FERRY3: variants seen among roughly 807,000 people sequenced by gnomAD.
The protein encoded by FERRY3 is protein C12orf4.
At chr12:4,517,206 AT>A in the FERRY3 span, 3 of 1,518,218 alleles carry the variant, frequency 2.0e-6, no homozygotes, top group African/African-American at 4.2e-5. Context: ...GACCCAAAAC[AT>A]TTACAAACTT....
At chr12:4,528,888 A>T in the FERRY3 span, among the ~76,000 whole-genome samples, 1 of 138,828 alleles carries the variant, frequency 7.2e-6, no homozygotes, top group Non-Finnish European at 1.5e-5. Context: ...TGGGACTATT[A>T]AATCAGTTAC....
At chr12:4,526,771 G>T in the FERRY3 span, among the ~76,000 whole-genome samples, 1 of 151,404 alleles carries the variant, frequency 6.6e-6, no homozygotes, top group Non-Finnish European at 1.5e-5. Context: ...GAACCCAGGA[G>T]ACTGAGGTTG....
chr12:4,520,708 A>C, the FERRY3 span, among the ~76,000 whole-genome samples: 1 of 152,206 alleles, frequency 6.6e-6, no homozygotes, highest in Admixed American at 6.5e-5. Flanking sequence ...AAATCTTAGA[A>C]TCACCACTCA....
At chr12:4,490,558 T>G in the FERRY3 span, 3 of 1,610,330 alleles carry the variant, frequency 1.9e-6, no homozygotes, top group Non-Finnish European at 2.5e-6. Context: ...TAGAAATTCC[T>G]CCATCCCATG....
chr12:4,524,751 G>C, the FERRY3 span, among the ~76,000 whole-genome samples: 1 of 152,102 alleles, frequency 6.6e-6, no homozygotes, highest in African/African-American at 2.4e-5. Context: ...AATTTATCTA[G>C]GCCAAGAGAT....
the FERRY3 span, among the ~76,000 whole-genome samples, chr12:4,513,835 C>A: frequency 1.3e-5 from 2 of 152,098 alleles, no homozygotes; most frequent in South Asian, 4.2e-4. Flanking sequence ...TAGGCATGGG[C>A]AAGGACTTCA....
chr12:4,536,230 A>C, the FERRY3 span: 68 of 1,438,226 alleles, frequency 4.7e-5, no homozygotes, highest in Non-Finnish European at 1.9e-6. Flanking sequence ...CTAACAAAAA[A>C]GCAGTAGGTT....
the FERRY3 span, among the ~76,000 whole-genome samples, chr12:4,523,540 CAA>C: frequency 6.6e-6 from 1 of 152,126 alleles, no homozygotes; most frequent in Non-Finnish European, 1.5e-5. Flanking sequence ...TTCACCATAG[CAA>C]AGACTTGGAA....
At chr12:4,508,608 G>A in the FERRY3 span, among the ~76,000 whole-genome samples, 7 of 151,974 alleles carry the variant, frequency 4.6e-5, no homozygotes, top group African/African-American at 1.7e-4. Context: ...AGCCAGGCAC[G>A]GTGGTACACA....
chr12:4,499,720 C>T, the FERRY3 span, among the ~76,000 whole-genome samples: 2 of 151,970 alleles, frequency 1.3e-5, no homozygotes, highest in African/African-American at 2.4e-5. Context: ...TCAGAAAATG[C>T]AGACTAATTT....
At chr12:4,535,991 T>C in the FERRY3 span, 1 of 1,495,740 alleles carries the variant, frequency 6.7e-7, no homozygotes, top group Non-Finnish European at 8.9e-7. The surrounding 1 kb of genome is among the most constrained non-coding windows in gnomAD (Gnocchi z 4.0). Context: ...AAAGTGGTGT[T>C]ACTTAAAAAA....
At chr12:4,492,516 T>C in the FERRY3 span, among the ~76,000 whole-genome samples, 1 of 152,238 alleles carries the variant, frequency 6.6e-6, no homozygotes, top group Non-Finnish European at 1.5e-5. Flanking sequence ...TGATTATTAA[T>C]TACCAAACCT....
At chr12:4,499,569 G>A in the FERRY3 span, among the ~76,000 whole-genome samples, 40 of 152,304 alleles carry the variant, frequency 2.6e-4, no homozygotes, top group South Asian at 3.5e-3. Flanking sequence ...ATTATAGTCC[G>A]TAACAAAATG....
At chr12:4,524,676 A>G in the FERRY3 span, among the ~76,000 whole-genome samples, 1 of 152,236 alleles carries the variant, frequency 6.6e-6, no homozygotes, top group Non-Finnish European at 1.5e-5. Flanking sequence ...ATTCTCAAAC[A>G]TAACAGATAC....
At chr12:4,536,061 C>T in the FERRY3 span, 6 of 1,607,064 alleles carry the variant, frequency 3.7e-6, no homozygotes, top group Non-Finnish European at 5.1e-6. Context: ...CATCAGACGT[C>T]CATGCAAATG....
At chr12:4,531,137 T>C in the FERRY3 span, among the ~76,000 whole-genome samples, 1 of 152,242 alleles carries the variant, frequency 6.6e-6, no homozygotes, top group Admixed American at 6.5e-5. Flanking sequence ...TAATTTGTTC[T>C]CTTTCACTTC....
chr12:4,523,513 C>T, the FERRY3 span, among the ~76,000 whole-genome samples: 105 of 152,298 alleles, frequency 6.9e-4, no homozygotes, highest in Non-Finnish European at 1.2e-3. Context: ...TGCACATGTA[C>T]GTTTATTGCG....
chr12:4,525,601 A>G, the FERRY3 span: 1 of 1,551,446 alleles, frequency 6.4e-7, no homozygotes, highest in Non-Finnish European at 8.8e-7. Flanking sequence ...ACAAATAAAC[A>G]AATCAGGGAT....
chr12:4,496,616 T>G, the FERRY3 span, among the ~76,000 whole-genome samples: 2 of 152,096 alleles, frequency 1.3e-5, no homozygotes, highest in African/African-American at 4.8e-5. Flanking sequence ...AAAATGAAAT[T>G]GAAATCTCAG....
Sources: gnomAD v4.1 joint callset for allele counts (sites outside exome capture counted in the v4.1 genomes callset) on GRCh38, gnomAD v4.1.1 for gene constraint, Gnocchi (gnomAD v3.1) non-coding constraint, MANE v1.5 for transcripts, NCBI Gene and HGNC (gene_info 2026-07-23, HGNC 2026-07-21) for gene names.